The following ACER3 variants were observed in gnomAD, a reference collection of about 807,000 sequenced individuals.
The protein encoded by ACER3 is alkCDase 3.
ACER3 carries 16 observed loss-of-function variants against 48.9 expected under a neutral mutation model. The observed-to-expected ratio is 0.33, with a 90% CI of 0.22 to 0.50. ACER3 has a LOEUF of 0.50. Among genes scored for constraint, ACER3 ranks in the 20% least tolerant of loss-of-function variants. The pLI is 0.98. For synonymous variants in ACER3, 109 were observed against 107.8 expected (o/e 1.01, Z -0.07); for missense variants, 227 against 326.0 (o/e 0.70, Z 2.34).
chr11:76,864,614 T>TTTTTTTTG (rs1487167398), intron 1 of ACER3, among the ~76,000 whole-genome samples: 1 of 146,836 alleles, frequency 6.8e-6, no homozygotes, highest in Non-Finnish European at 1.5e-5. Context: ...TTTTTTTTTT[T>TTTTTTTTG]TTTGAGGTAG....
intron 1 of ACER3, among the ~76,000 whole-genome samples, chr11:76,872,592 T>C (rs1945269167): frequency 6.6e-6 from 1 of 152,194 alleles, no homozygotes; most frequent in Non-Finnish European, 1.5e-5. Context: ...TCAGAATCCA[T>C]GTTTAGTAGT....
chr11:76,917,674 T>C (rs1182534610), intron 1 of ACER3, among the ~76,000 whole-genome samples: 1 of 151,976 alleles, frequency 6.6e-6, no homozygotes, highest in East Asian at 1.9e-4. Flanking sequence ...ATGAACAACA[T>C]AGGGATACCT....
chr11:77,018,427 A>G (rs782209463), intron 9 of ACER3, among the ~76,000 whole-genome samples: 1 of 152,230 alleles, frequency 6.6e-6, no homozygotes, highest in Non-Finnish European at 1.5e-5. Context: ...AAATAGGCCA[A>G]TTAATAACCC....
rs782201100 is a variant in ACER3 at position 77,016,754 on chromosome 11, G to A, written c.679G>A (p.Gly227Ser). 2.5e-6 allele frequency: 4 copies of A among 1,593,860 alleles called. No homozygotes were observed. The change falls in exon 9 of 11, where the codon GGT becomes AGT. Residue 227 changes from glycine to serine, a missense_variant. Gly to Ser is a moderately conservative substitution (Grantham distance 56, BLOSUM62 0). This residue lies in a region of ACER3 where 195 missense variants were observed against 290.8 expected (regional missense o/e 0.67). Transcript: ENST00000532485. ...HAWWHILTGL[G>S]SYLHILFSLY... ...ATGGTGGCATATTTTAACTGGCCTT[G>A]GTTCCTATCTTCACATCCTTTTCAG...
At chr11:76,940,488 A>G (rs1947308423) in intron 2 of ACER3, among the ~76,000 whole-genome samples, 2 of 152,224 alleles carry the variant, frequency 1.3e-5, no homozygotes, top group Non-Finnish European at 2.9e-5. Flanking sequence ...TTGGTATACT[A>G]TCATCAGCTA....
Position 76,906,474 on chromosome 11 carries a change from C to T in ACER3, c.104-20083C>T, listed in dbSNP as rs149868573. ...GTTTTCCACACCCCTATGATTGTAT[C>T]TCCAACCAATCAGCAGCACCCATTC... On this transcript the variant is annotated intron_variant, in intron 1 of 10. Coordinates refer to ENST00000532485, the MANE Select transcript of ACER3 (RefSeq NM_018367.7). 2.5e-3 allele frequency among the ~76,000 whole-genome samples: 385 copies of T among 152,308 alleles called. 2 individuals carry two copies. Among genetic ancestry groups the T allele is most frequent in the African/African-American group, 8.9e-3 (368 of 41,558 alleles).
chr11:76,969,363 C>G (rs917152646), intron 3 of ACER3, among the ~76,000 whole-genome samples: 33 of 152,162 alleles, frequency 2.2e-4, no homozygotes, highest in African/African-American at 7.2e-4. Flanking sequence ...TAAACTAGTT[C>G]AACCATTGTG....
intron 1 of ACER3, among the ~76,000 whole-genome samples, chr11:76,883,914 C>G (rs183032262): frequency 1.0e-3 from 156 of 152,260 alleles, no homozygotes; most frequent in African/African-American, 3.6e-3. Context: ...TGTTTTAAAG[C>G]ATATTTTGGG....
intron 3 of ACER3, chr11:76,959,289 A>G (rs1357120436): frequency 8.1e-7 from 1 of 1,232,360 alleles, no homozygotes; most frequent in Non-Finnish European, 1.1e-6. Context: ...AGCATTAGAG[A>G]GCAGAGTCAC....
At chr11:76,935,232 G>A (rs761883127) in intron 2 of ACER3, among the ~76,000 whole-genome samples, 12 of 152,040 alleles carry the variant, frequency 7.9e-5, no homozygotes, top group Non-Finnish European at 1.5e-4. Flanking sequence ...GAGAGAAAAG[G>A]ATTGAAATGG....
At chr11:76,951,963 A>G (rs1241851404) in intron 2 of ACER3, among the ~76,000 whole-genome samples, 1 of 152,158 alleles carries the variant, frequency 6.6e-6, no homozygotes, top group East Asian at 1.9e-4. Flanking sequence ...CTTATCAAAC[A>G]TTATTTCTTG....
At chr11:76,888,289 G>T (rs971011133) in intron 1 of ACER3, among the ~76,000 whole-genome samples, 1 of 152,120 alleles carries the variant, frequency 6.6e-6, no homozygotes, top group Non-Finnish European at 1.5e-5. Context: ...ATTTAAAAAA[G>T]ATCTGAAATT....
rs915716401 is a variant in ACER3 at position 77,020,174 on chromosome 11, C to T, written c.751-100C>T. 33 of 1,250,966 alleles carry T rather than the reference C, an allele frequency of 2.6e-5. No homozygotes were observed. The South Asian group carries it at 3.0e-4, about 11-fold the overall frequency. 77.5% of individuals were successfully genotyped at this position (1,250,966 alleles called of 1,614,324 possible). A position where few individuals can be genotyped will look rare whatever the true frequency, so the allele number is the denominator to read the frequency against. ...ACCAGGACAATCACTAGCAAACCTA[C>T]GTATAGTCATAGCCCCATGGATTCT... On this transcript the variant is annotated intron_variant, in intron 10 of 10. Transcript: ENST00000532485.
intron 5 of ACER3, 111 bp downstream of exon 5, chr11:76,985,835 A>G (rs1001250488): frequency 1.6e-5 from 9 of 566,064 alleles, no homozygotes; most frequent in Admixed American, 1.2e-4. Flanking sequence ...AAATCTTTCT[A>G]CACAAAACAA....
At chr11:76,894,588 A>T (rs1945884728) in intron 1 of ACER3, among the ~76,000 whole-genome samples, 1 of 152,220 alleles carries the variant, frequency 6.6e-6, no homozygotes, top group South Asian at 2.1e-4. Context: ...TTACAAGGTT[A>T]CTTTGGGAAT....
chr11:76,950,400 TATATATATATA>T (rs765558239), intron 2 of ACER3, among the ~76,000 whole-genome samples: 386 of 31,478 alleles, frequency 0.012, 71 homozygotes, highest in Non-Finnish European at 0.019. Flanking sequence ...TATATATATA[TATATATATATA>T]ATTTACACAT....
chr11:76,903,930 G>A (rs1590907826), intron 1 of ACER3, among the ~76,000 whole-genome samples: 2 of 152,064 alleles, frequency 1.3e-5, no homozygotes, highest in Admixed American at 6.6e-5. Flanking sequence ...TCCAACTTGG[G>A]ACTTCATCTA....
Position 76,958,440 on chromosome 11 carries a change from A to C in ACER3, c.215-539A>C, listed in dbSNP as rs879412602. Among the ~76,000 whole-genome samples the C allele has an allele frequency of 1.2e-3, 183 of 148,918 alleles. 1 individual carries two copies. Among genetic ancestry groups the C allele is most frequent in the Non-Finnish European group, 1.3e-3 (89 of 66,940 alleles). On this transcript the variant is annotated intron_variant, in intron 2 of 10. Coordinates refer to ENST00000532485, the MANE Select transcript of ACER3 (RefSeq NM_018367.7). ...GACCTTAGATGGTCCACCCACCTCAACCTCCCAAAGTGCTGGGATTACAGG... is the reference window on the plus strand; with the variant it reads ...GACCTTAGATGGTCCACCCACCTCACCCTCCCAAAGTGCTGGGATTACAGG...
At chr11:76,956,246 A>G (rs931785585) in intron 2 of ACER3, among the ~76,000 whole-genome samples, 3 of 152,232 alleles carry the variant, frequency 2.0e-5, no homozygotes, top group African/African-American at 7.2e-5. Flanking sequence ...TTTGCTTTAA[A>G]GGGGCAAAAT....
Sources: gnomAD v4.1 joint callset for allele counts (sites outside exome capture counted in the v4.1 genomes callset) on GRCh38, gnomAD v4.1.1 for gene constraint, gnomAD v4.1.1 regional missense constraint, MANE v1.5 for transcripts, NCBI Gene and HGNC (gene_info 2026-07-23, HGNC 2026-07-21) for gene names.